The following PIK3C3 variants were observed in gnomAD, a reference collection of about 807,000 sequenced individuals.
PIK3C3 encodes the protein phosphatidylinositol 3-kinase catalytic subunit type 3, also known as PI3-kinase type 3.
In PIK3C3, 95 loss-of-function variants were observed where a neutral mutation model predicts 126.1. That is an observed-to-expected ratio of 0.75 (90% CI 0.64 to 0.89). The LOEUF is 0.89. Among genes scored for constraint, PIK3C3 ranks in the 40% least tolerant of loss-of-function variants. The probability of loss-of-function intolerance (pLI) is 0.00; values close to 1 mark genes in which losing one functional copy is unlikely to be tolerated. For synonymous variants in PIK3C3, 374 were observed against 360.0 expected (o/e 1.04, Z -0.44); for missense variants, 829 against 1,063.2 (o/e 0.78, Z 3.06).
At chr18:42,036,195 A>G (rs1176719554) in intron 16 of PIK3C3, among the ~76,000 whole-genome samples, 2 of 152,172 alleles carry the variant, frequency 1.3e-5, no homozygotes, top group Non-Finnish European at 1.5e-5. Flanking sequence ...TTAAACATAC[A>G]TTCTCTGAAC....
At position 42,084,368 on chromosome 18, in the gene PIK3C3, A is replaced by G. The variant is rs927175751; in HGVS notation, c.*3231A>G. ...AATAAACTTTAGTGCCAAATGGAAA[A>G]TAATTTTTTACAAGTAAATTTGAAG... On this transcript the variant is annotated 3_prime_UTR_variant, in exon 25 of 25. Transcript: ENST00000262039. 1 of 152,156 alleles carries G rather than the reference A, an allele frequency of 6.6e-6. No individual in the cohort carries two copies. The highest frequency in any genetic ancestry group is 1.5e-5 in the Non-Finnish European group (1 of 68,034). 9.4% of individuals were successfully genotyped at this position (152,156 alleles called of 1,614,324 possible).
chr18:42,031,589 T>G (rs1336129263), intron 15 of PIK3C3, among the ~76,000 whole-genome samples: 4 of 152,134 alleles, frequency 2.6e-5, no homozygotes, highest in Non-Finnish European at 2.9e-5. Flanking sequence ...CACGCCTGGC[T>G]AATTTTTAGT....
At chr18:42,046,246 T>A (rs1984552946) in intron 20 of PIK3C3, among the ~76,000 whole-genome samples, 2 of 152,216 alleles carry the variant, frequency 1.3e-5, no homozygotes, top group Admixed American at 1.3e-4. Flanking sequence ...GTTTTCTGTA[T>A]GGCTTCCTGT....
chr18:42,039,159 C>T (rs1016290643), intron 18 of PIK3C3, among the ~76,000 whole-genome samples: 13 of 152,032 alleles, frequency 8.6e-5, no homozygotes, highest in Admixed American at 3.3e-4. Flanking sequence ...TAAGTCTTTT[C>T]GAGATGAATA....
At chr18:42,070,269 G>C (rs1337093718) in intron 24 of PIK3C3, among the ~76,000 whole-genome samples, 1 of 152,214 alleles carries the variant, frequency 6.6e-6, no homozygotes, top group Non-Finnish European at 1.5e-5. Flanking sequence ...TTGACAGGAG[G>C]AGAGAGTTGC....
At chr18:42,025,184 A>C (rs770843699) in intron 13 of PIK3C3, 5 of 152,220 alleles carry the variant, frequency 3.3e-5, no homozygotes, top group Non-Finnish European at 5.9e-5. Context: ...AGCAAGATAC[A>C]GCAGTGAGCC....
At chr18:42,035,214 T>C (rs1351273463) in intron 16 of PIK3C3, among the ~76,000 whole-genome samples, 2 of 152,152 alleles carry the variant, frequency 1.3e-5, no homozygotes, top group African/African-American at 4.8e-5. Flanking sequence ...TGTAAAAAGC[T>C]ATGCACAAGG....
At chr18:41,982,003 A>C (rs182483985) in intron 4 of PIK3C3, among the ~76,000 whole-genome samples, 4 of 151,932 alleles carry the variant, frequency 2.6e-5, no homozygotes, top group African/African-American at 9.7e-5. Context: ...AAGGTACTGC[A>C]TAGTTTATAT....
intron 3 of PIK3C3, among the ~76,000 whole-genome samples, chr18:41,965,216 G>A (rs189178334): frequency 2.2e-4 from 34 of 152,126 alleles, no homozygotes; most frequent in African/African-American, 8.2e-4. Context: ...TTTCCTCCCA[G>A]ATTCATCACA....
At chr18:42,077,353 A>ATGC (rs548563913) in intron 24 of PIK3C3, among the ~76,000 whole-genome samples, 150 of 152,216 alleles carry the variant, frequency 9.9e-4, no homozygotes, top group Non-Finnish European at 1.8e-3. Flanking sequence ...GTAGCATGTG[A>ATGC]TGCTGTTTGA....
rs16975527 is a variant in PIK3C3 at position 42,005,638 on chromosome 18, A to G, written c.1170+1097A>G. ...ATGTGGAGTAACTTCTCAAGCTTCA[A>G]TATATATAGCAATGTCGATCGCATA... On this transcript the variant is annotated intron_variant, in intron 10 of 24. Coordinates refer to ENST00000262039, the MANE Select transcript of PIK3C3 (RefSeq NM_002647.4). Among the ~76,000 whole-genome samples the G allele has an allele frequency of 5.5e-3, 843 of 152,302 alleles. 7 individuals carry two copies. Among genetic ancestry groups the G allele is most frequent in the African/African-American group, 0.019 (791 of 41,566 alleles).
In PIK3C3 at chr18:42,076,110, A is replaced by ATATATATG. The variant is rs1568013490; in HGVS notation, c.2650-5006_2650-5005insGTATATAT. Among the ~76,000 whole-genome samples the ATATATATG allele has an allele frequency of 5.5e-4, 44 of 80,278 alleles. 4 individuals carry two copies. The highest frequency in any genetic ancestry group is 2.2e-3 in the African/African-American group (41 of 18,872). The allele number at this position is 80,278 out of a possible 152,430, so 52.7% of individuals were successfully genotyped here. A position where few individuals can be genotyped will look rare whatever the true frequency, so the allele number is the denominator to read the frequency against. ...CTTGCATATATATATATATATATAT[A>ATATATATG]TATATATATATGCGCATATATATAT... On this transcript the variant is annotated intron_variant, in intron 24 of 24. Transcript: ENST00000262039.
At chr18:42,051,435 T>C (rs1303482711) in intron 21 of PIK3C3, 1 of 152,050 alleles carries the variant, frequency 6.6e-6, no homozygotes, top group Non-Finnish European at 1.5e-5. Context: ...TTCTCCAAAT[T>C]GTGATAATAA....
intron 15 of PIK3C3, 58 bp from the exon 16 acceptor site, chr18:42,033,768 A>G (rs970403734): frequency 7.7e-7 from 1 of 1,303,638 alleles, no homozygotes; most frequent in Non-Finnish European, 1.1e-6. Context: ...TCTTTACTAT[A>G]TGTTTTATAA....
intron 3 of PIK3C3, among the ~76,000 whole-genome samples, chr18:41,967,182 T>C (rs867907915): frequency 7.9e-4 from 120 of 152,298 alleles, no homozygotes; most frequent in African/African-American, 2.6e-3. Context: ...ATGTTCAGGA[T>C]GTTCCTGGTG....
chr18:41,983,750 A>G (rs926632625), intron 4 of PIK3C3, among the ~76,000 whole-genome samples: 8 of 152,144 alleles, frequency 5.3e-5, no homozygotes, highest in East Asian at 3.9e-4. Context: ...TGTCCTTGAT[A>G]CTTTTATTAA....
chr18:41,990,828 G>A (rs1276866107), intron 6 of PIK3C3, among the ~76,000 whole-genome samples: 2 of 152,186 alleles, frequency 1.3e-5, no homozygotes, highest in Non-Finnish European at 2.9e-5. Flanking sequence ...AAATTGGCAA[G>A]TAGGACACTA....
chr18:41,960,249 T>C (rs1980010667), intron 2 of PIK3C3, among the ~76,000 whole-genome samples: 1 of 152,256 alleles, frequency 6.6e-6, no homozygotes, highest in African/African-American at 2.4e-5. Context: ...TTAATTACAC[T>C]TAAGGTAAAT....
intron 19 of PIK3C3, among the ~76,000 whole-genome samples, chr18:42,041,108 C>T (rs574421126): frequency 1.6e-4 from 25 of 151,788 alleles, no homozygotes; most frequent in South Asian, 1.0e-3. Context: ...CTTGAACCCG[C>T]GAGGTGGAGA....
Sources: allele counts gnomAD v4.1 joint callset (sites outside exome capture counted in the v4.1 genomes callset), GRCh38; gene constraint gnomAD v4.1.1; transcripts MANE v1.5; gene names NCBI Gene and HGNC (gene_info 2026-07-23, HGNC 2026-07-21).